PLAAT5: variants seen among roughly 807,000 people sequenced by gnomAD.
PLAAT5 encodes Ca(2+)-independent N-acyltransferase.
In PLAAT5, 27 loss-of-function variants were observed where a neutral mutation model predicts 27.8. The observed-to-expected ratio is 0.97, with a 90% CI of 0.72 to 1.34. The LOEUF is 1.34. PLAAT5 is among the 40% of genes most tolerant of loss of function. PLAAT5 has a pLI of 0.00. For missense variants in PLAAT5, 368 were observed against 343.8 expected, an observed-to-expected ratio of 1.07 and a Z score of -0.56; for synonymous variants, 125 against 136.1, an observed-to-expected ratio of 0.92 and a Z score of 0.57.
At position 63,490,922 on chromosome 11, in the gene PLAAT5, G is replaced by C; in HGVS notation, c.113C>G (p.Pro38Arg). Residue 38 changes from proline to arginine, a missense_variant, in exon 1 of 6, where the codon CCG (proline) becomes CGG (arginine). Physicochemically the swap from Pro to Arg is moderately radical, Grantham distance 103. Coordinates refer to ENST00000540857, the MANE Select transcript of PLAAT5 (RefSeq NM_001146729.2). The stretch of plus-strand genomic sequence containing the variant: ...CACAGCTGAACGTCTGAGCGCAGGC[G>C]GCTGGTCCTTGGGCCCGGTACTGGC... ...RTASTGPKDQ[P>R]PALRRSAVPH... The C allele has an allele frequency of 6.2e-7, 1 of 1,603,688 alleles. No homozygotes were observed. The highest frequency in any genetic ancestry group is 8.5e-7 in the Non-Finnish European group (1 of 1,175,512).
At chr11:63,471,320 G>A (rs2016019670) in intron 3 of PLAAT5, among the ~76,000 whole-genome samples, 1 of 152,020 alleles carries the variant, frequency 6.6e-6, no homozygotes, top group Non-Finnish European at 1.5e-5. Flanking sequence ...AACTTTAAAA[G>A]AAACAGAAGA....
intron 3 of PLAAT5, among the ~76,000 whole-genome samples, chr11:63,487,248 A>G (rs1206163894): frequency 6.6e-6 from 1 of 152,214 alleles, no homozygotes; most frequent in African/African-American, 2.4e-5. Flanking sequence ...AAACATACAA[A>G]CCAATAGGAA....
intron 3 of PLAAT5, among the ~76,000 whole-genome samples, chr11:63,486,729 G>A (rs1197010629): frequency 6.6e-6 from 1 of 152,126 alleles, no homozygotes; most frequent in East Asian, 1.9e-4. Flanking sequence ...TCAGGTGATG[G>A]ATGCACTAAA....
Position 63,466,340 on chromosome 11 carries a change from T to C in PLAAT5, c.487A>G (p.Ile163Val), listed in dbSNP as rs555722946. 3 of 1,614,028 alleles carry C rather than the reference T, an allele frequency of 1.9e-6. No homozygotes were observed. The Admixed American group carries it at 5.0e-5, about 27-fold the overall frequency. Reference sequence around the variant, plus strand: ...TTCACCACGGCCCGATTGCTAAAGATGGAAGTAATGCTGCCCACCTCAAAC... The same window carrying C: ...TTCACCACGGCCCGATTGCTAAAGACGGAAGTAATGCTGCCCACCTCAAAC... ...EEFEVGSITS[I>V]FSNRAVVKYS... Residue 163 changes from isoleucine to valine, a missense_variant, in exon 5 of 6, where the codon ATC (isoleucine) becomes GTC (valine). Ile to Val is a conservative substitution (Grantham distance 29). Transcript: ENST00000540857.
At chr11:63,478,298 T>A (rs1227275442) in intron 3 of PLAAT5, among the ~76,000 whole-genome samples, 1 of 151,712 alleles carries the variant, frequency 6.6e-6, no homozygotes, top group Non-Finnish European at 1.5e-5. Context: ...AGACTTCCAC[T>A]GTTCTTTCTG....
Position 63,483,799 on chromosome 11 carries a change from A to G in PLAAT5, c.345+5072T>C, listed in dbSNP as rs796789001. ...GCAAAAAAAAAATATATATATATAT[A>G]TGTATATATATATATATATATATAT... On this transcript the variant is annotated intron_variant, in intron 3 of 5. Coordinates refer to ENST00000540857, the MANE Select transcript of PLAAT5 (RefSeq NM_001146729.2). Among the ~76,000 whole-genome samples the G allele has an allele frequency of 2.5e-3, 126 of 50,774 alleles. 1 individual carries two copies. The highest frequency in any genetic ancestry group is 0.013 in the African/African-American group (51 of 3,862). 33.3% of individuals were successfully genotyped at this position (50,774 alleles called of 152,430 possible).
rs559264037 is a variant in PLAAT5 at position 63,484,806 on chromosome 11, A to G, written c.345+4065T>C. Among the ~76,000 whole-genome samples, 30 of 152,318 alleles carry G rather than the reference A, an allele frequency of 2.0e-4. No individual in the cohort carries two copies. In the South Asian group the frequency reaches 6.0e-3, roughly 30 times the overall value. ...AAGTCCTAGCCAGAGCAATCAGACA[A>G]GAGAAAGAAATAAAGGGCATCCAAA... On this transcript the variant is annotated intron_variant, in intron 3 of 5. Transcript: ENST00000540857.
intron 3 of PLAAT5, chr11:63,470,103 G>GA (rs1282566491): frequency 6.8e-6 from 1 of 147,990 alleles, no homozygotes; most frequent in Non-Finnish European, 1.5e-5. Flanking sequence ...AAAAAAAAAA[G>GA]AATGTGGCAA....
intron 3 of PLAAT5, among the ~76,000 whole-genome samples, chr11:63,474,035 C>T (rs2016095457): frequency 1.3e-5 from 2 of 152,134 alleles, no homozygotes; most frequent in African/African-American, 4.8e-5. Context: ...GGGTGTTACA[C>T]CAAACTTGCA....
chr11:63,465,387 T>C (rs947760551), intron 5 of PLAAT5, among the ~76,000 whole-genome samples: 14 of 151,232 alleles, frequency 9.3e-5, no homozygotes, highest in African/African-American at 3.4e-4. Context: ...TGTGTGTGTG[T>C]GTGTGTGTGT....
intron 3 of PLAAT5, among the ~76,000 whole-genome samples, chr11:63,477,209 T>C (rs960049798): frequency 6.6e-6 from 1 of 152,226 alleles, no homozygotes; most frequent in African/African-American, 2.4e-5. Context: ...AAACAGTCTC[T>C]ACTGTTTTTG....
At chr11:63,467,588 C>T (rs2015896725) in intron 4 of PLAAT5, among the ~76,000 whole-genome samples, 1 of 152,124 alleles carries the variant, frequency 6.6e-6, no homozygotes, top group South Asian at 2.1e-4. Context: ...AATACCTGCA[C>T]AGGAGACAGC....
In PLAAT5 at chr11:63,463,228, G is replaced by C; in HGVS notation, c.*275C>G. The C allele has an allele frequency of 2.5e-6, 1 of 396,376 alleles. No individual in the cohort carries two copies. Among genetic ancestry groups the C allele is most frequent in the South Asian group, 6.1e-5 (1 of 16,296 alleles). 24.6% of individuals were successfully genotyped at this position (396,376 alleles called of 1,614,324 possible). A position where few individuals can be genotyped will look rare whatever the true frequency, so the allele number is the denominator to read the frequency against. On this transcript the variant is annotated 3_prime_UTR_variant, in exon 6 of 6. Coordinates refer to ENST00000540857, the MANE Select transcript of PLAAT5 (RefSeq NM_001146729.2). ...CACAAGCAAGGTCCCATCCTACAAA[G>C]AGAGTGAAATTAGATCCGTATATGA...
chr11:63,465,371 AGTGT>A (rs58014474), intron 5 of PLAAT5, among the ~76,000 whole-genome samples: 50,253 of 145,152 alleles, frequency 0.35, 8,804 homozygotes, highest in East Asian at 0.61. Context: ...TCAAACAAAA[AGTGT>A]GTGTGTGTGT....
Position 63,462,452 on chromosome 11 carries a change from A to G in PLAAT5, c.*1051T>C, listed in dbSNP as rs2015743665. ...GTTTAGATTGCTAAGAAAAGGATGG[A>G]GGGTAAAAACATTGAAGAGTTTCAG... is the stretch of plus-strand genomic sequence containing the variant. On this transcript the variant is annotated 3_prime_UTR_variant, in exon 6 of 6. Transcript: ENST00000540857. 6.6e-6 allele frequency: 1 copy of G among 152,208 alleles called. No individual in the cohort carries two copies. The highest frequency in any genetic ancestry group is 2.4e-5 in the African/African-American group (1 of 41,454). The allele number at this position is 152,208 out of a possible 1,614,324, so 9.4% of individuals were successfully genotyped here. A position where few individuals can be genotyped will look rare whatever the true frequency, so the allele number is the denominator to read the frequency against.
In PLAAT5 at chr11:63,468,348, C is replaced by G; in HGVS notation, c.454+9G>C. ...AATATCAGTATTTCAATAGACTATTCACTCTTACTTGGGGGAGCCAGATGG... is the reference window on the plus strand; with the variant it reads ...AATATCAGTATTTCAATAGACTATTGACTCTTACTTGGGGGAGCCAGATGG... On this transcript the variant is annotated intron_variant, in intron 4 of 5. Transcript: ENST00000540857. 1.3e-6 allele frequency: 2 copies of G among 1,583,282 alleles called. No individual in the cohort carries two copies. Among genetic ancestry groups the G allele is most frequent in the African/African-American group, 2.7e-5 (2 of 74,382 alleles).
chr11:63,473,371 A>G (rs980973349), intron 3 of PLAAT5, among the ~76,000 whole-genome samples: 8 of 152,246 alleles, frequency 5.3e-5, no homozygotes, highest in Non-Finnish European at 8.8e-5. Context: ...TTAATAGGCT[A>G]CAGAATAATG....
intron 5 of PLAAT5, among the ~76,000 whole-genome samples, chr11:63,465,767 G>A (rs2015844533): frequency 6.6e-6 from 1 of 152,098 alleles, no homozygotes; most frequent in Non-Finnish European, 1.5e-5. Flanking sequence ...TCCAGCCTAG[G>A]TGACAGAGTG....
intron 2 of PLAAT5, among the ~76,000 whole-genome samples, 193 bp from the exon 3 acceptor site, chr11:63,489,169 T>C (rs2120351303): frequency 6.6e-6 from 1 of 152,358 alleles, no homozygotes; most frequent in South Asian, 2.1e-4. Flanking sequence ...TTCTGACAAT[T>C]GTTCAAATGC....
Sources: allele counts gnomAD v4.1 joint callset (sites outside exome capture counted in the v4.1 genomes callset), GRCh38; gene constraint gnomAD v4.1.1; transcripts MANE v1.5; gene names NCBI Gene and HGNC (gene_info 2026-07-23, HGNC 2026-07-21).